Variants in BCKDHB observed in about 807,000 individuals in gnomAD.
BCKDHB encodes branched chain keto acid dehydrogenase E1 subunit beta.
A neutral mutation model predicts 48.5 loss-of-function variants in BCKDHB; 41 were observed. That is an observed-to-expected ratio of 0.85 (90% CI 0.66 to 1.10). The LOEUF (loss-of-function observed/expected upper bound fraction) is 1.10, where lower values mean the gene tolerates loss of function less well. Ranked by LOEUF, BCKDHB falls within the 50% of genes least tolerant of loss-of-function variation. The probability of loss-of-function intolerance (pLI) is 0.00; values close to 1 mark genes in which losing one functional copy is unlikely to be tolerated. For synonymous variants in BCKDHB, 201 were observed against 174.8 expected, an observed-to-expected ratio of 1.15 and a Z score of -1.18; for missense variants, 496 against 494.2, an observed-to-expected ratio of 1.00 and a Z score of -0.03.
chr6:80,465,244 G>C, the BCKDHB span, among the ~76,000 whole-genome samples: 4 of 152,192 alleles, frequency 2.6e-5, no homozygotes, highest in African/African-American at 9.6e-5. Context: ...CATTGGTAGT[G>C]GAAGTGAAGT....
chr6:80,396,646 A>T, the BCKDHB span, among the ~76,000 whole-genome samples: 1 of 152,322 alleles, frequency 6.6e-6, no homozygotes, highest in African/African-American at 2.4e-5. Flanking sequence ...TAATTGAATC[A>T]CGGGGGCAGT....
intron 3 of BCKDHB, among the ~76,000 whole-genome samples, chr6:80,137,516 C>G (rs930422753): frequency 1.3e-5 from 2 of 152,146 alleles, no homozygotes; most frequent in African/African-American, 2.4e-5. Flanking sequence ...TCACAGTATT[C>G]TCACTGTTGG....
At chr6:80,432,296 G>T in the BCKDHB span, among the ~76,000 whole-genome samples, 1 of 152,080 alleles carries the variant, frequency 6.6e-6, no homozygotes, top group Non-Finnish European at 1.5e-5. Flanking sequence ...GTTACATTCT[G>T]CCCATCAATT....
intron 4 of BCKDHB, among the ~76,000 whole-genome samples, chr6:80,168,591 G>GGAAAGGAAGGAA (rs1772704592): frequency 8.8e-6 from 1 of 113,926 alleles, no homozygotes; most frequent in Non-Finnish European, 1.8e-5. Context: ...TTGTGCCATG[G>GGAAAGGAAGGAA]GAAAGGAAGG....
chr6:80,197,063 C>T (rs1175639817), intron 6 of BCKDHB, among the ~76,000 whole-genome samples: 2 of 152,130 alleles, frequency 1.3e-5, no homozygotes, highest in African/African-American at 4.8e-5. Context: ...AGTCCCACTT[C>T]TGTGAAAATA....
intron 8 of BCKDHB, among the ~76,000 whole-genome samples, chr6:80,264,890 A>G (rs1319623396): frequency 6.6e-6 from 1 of 152,142 alleles, no homozygotes; most frequent in Non-Finnish European, 1.5e-5. Flanking sequence ...GGATTAAAAA[A>G]TGGAGAAAGG....
chr6:80,257,773 A>C (rs1777115472), intron 8 of BCKDHB, among the ~76,000 whole-genome samples: 1 of 152,056 alleles, frequency 6.6e-6, no homozygotes, highest in Non-Finnish European at 1.5e-5. Context: ...CCGGAGTCCA[A>C]AGGGCTGGAG....
At chr6:80,444,007 CAAAGT>C in the BCKDHB span, among the ~76,000 whole-genome samples, 2 of 151,386 alleles carry the variant, frequency 1.3e-5, no homozygotes, top group East Asian at 1.9e-4. Context: ...TATTAGAAGT[CAAAGT>C]AAAGAAATTA....
In BCKDHB at chr6:80,197,938, C is replaced by T. The variant is rs560535931; in HGVS notation, c.743-2996C>T. Reference sequence around the variant, plus strand: ...TCCATTGATCTATCCATCTGTTCATCCATCCATCCATCCATCCATCCATCC... The same window carrying T: ...TCCATTGATCTATCCATCTGTTCATTCATCCATCCATCCATCCATCCATCC... On this transcript the variant is annotated intron_variant, in intron 6 of 9. Transcript: ENST00000320393. Among the ~76,000 whole-genome samples the T allele has an allele frequency of 6.4e-3, 424 of 66,290 alleles. 2 individuals carry two copies. Among genetic ancestry groups the T allele is most frequent in the Admixed American group, 0.016 (55 of 3,404 alleles). The allele number at this position is 66,290 out of a possible 152,430, so 43.5% of individuals were successfully genotyped here. A position where few individuals can be genotyped will look rare whatever the true frequency, so the allele number is the denominator to read the frequency against.
chr6:80,383,222 C>T, the BCKDHB span, among the ~76,000 whole-genome samples: 1 of 152,078 alleles, frequency 6.6e-6, no homozygotes, highest in Admixed American at 6.6e-5. Flanking sequence ...TCAACTATTT[C>T]CCATATGTTC....
At chr6:80,332,402 C>T (rs1409305001) in intron 9 of BCKDHB, among the ~76,000 whole-genome samples, 1 of 152,120 alleles carries the variant, frequency 6.6e-6, no homozygotes, top group Non-Finnish European at 1.5e-5. Flanking sequence ...CGAGACATTT[C>T]TTTAAATACT....
the BCKDHB span, among the ~76,000 whole-genome samples, chr6:80,358,752 G>C: frequency 6.6e-6 from 1 of 152,314 alleles, no homozygotes; most frequent in African/African-American, 2.4e-5. Flanking sequence ...TGCTTAATAA[G>C]AACAGAGTTT....
intron 9 of BCKDHB, among the ~76,000 whole-genome samples, chr6:80,320,961 C>G (rs1049964983): frequency 2.0e-5 from 3 of 152,120 alleles, no homozygotes; most frequent in Non-Finnish European, 1.5e-5. Flanking sequence ...TGCTATACCT[C>G]TGATATCCCC....
chr6:80,380,031 A>G, the BCKDHB span, among the ~76,000 whole-genome samples: 1 of 152,108 alleles, frequency 6.6e-6, no homozygotes, highest in South Asian at 2.1e-4. Flanking sequence ...TACAGATTCA[A>G]TGCAGTTCCT....
chr6:80,392,722 A>G, the BCKDHB span, among the ~76,000 whole-genome samples: 1 of 151,748 alleles, frequency 6.6e-6, no homozygotes, highest in Non-Finnish European at 1.5e-5. Context: ...ATTTTCTTAT[A>G]TAATTACATT....
chr6:80,131,978 C>T (rs75075304), intron 3 of BCKDHB, among the ~76,000 whole-genome samples: 2,058 of 152,156 alleles, frequency 0.014, 26 homozygotes, highest in South Asian at 0.022. Context: ...AGCTACCTGA[C>T]CTCATCTGCT....
At chr6:80,199,215 C>G (rs1156868260) in intron 6 of BCKDHB, among the ~76,000 whole-genome samples, 1 of 151,868 alleles carries the variant, frequency 6.6e-6, no homozygotes, top group Non-Finnish European at 1.5e-5. Context: ...GGGGATTTAC[C>G]AAATGTAGGA....
At chr6:80,139,033 T>A (rs1045631420) in intron 3 of BCKDHB, among the ~76,000 whole-genome samples, 3 of 152,244 alleles carry the variant, frequency 2.0e-5, no homozygotes, top group Non-Finnish European at 1.5e-5. Context: ...TGGTTTTGAT[T>A]TGCATTTCTC....
intron 9 of BCKDHB, among the ~76,000 whole-genome samples, chr6:80,325,126 G>GA (rs1304377051): frequency 6.6e-6 from 1 of 151,972 alleles, no homozygotes; most frequent in Non-Finnish European, 1.5e-5. Context: ...AATATTTAGA[G>GA]AAAAAAATCT....
Sources: allele counts gnomAD v4.1 joint callset (sites outside exome capture counted in the v4.1 genomes callset), GRCh38; gene constraint gnomAD v4.1.1; transcripts MANE v1.5; gene names NCBI Gene and HGNC (gene_info 2026-07-23, HGNC 2026-07-21).